PRDM16: variants seen among roughly 807,000 people sequenced by gnomAD.
PRDM16 encodes the protein histone-lysine N-methyltransferase PRDM16.
In PRDM16, 23 loss-of-function variants were observed where a neutral mutation model predicts 110.6. The ratio of observed to expected loss-of-function variants is 0.21; its 90% CI spans 0.15 to 0.29. PRDM16 has a LOEUF of 0.29. Ranked by LOEUF, PRDM16 falls within the 10% of genes least tolerant of loss-of-function variation. The pLI is 1.00. For synonymous variants in PRDM16, 799 were observed against 781.8 expected, an observed-to-expected ratio of 1.02 and a Z score of -0.37; for missense variants, 1,615 against 1,794.3, an observed-to-expected ratio of 0.90 and a Z score of 1.81.
At position 3,425,566 on chromosome 1, in the gene PRDM16, G is replaced by A. The variant is rs538723120; in HGVS notation, c.2940-15G>A. On this transcript the variant is annotated splice_polypyrimidine_tract_variant and intron_variant, in intron 12 of 16. Transcript: ENST00000270722. This position sits in a 1 kb window ranked among gnomAD's most constrained non-coding sequence, Gnocchi z 6.9. ...AGCCGGGGCCTGCACTGAGGAGCGC[G>A]TGTGCCCCTTCCAGGTGTAAGTACT... The A allele has an allele frequency of 9.0e-5, 145 of 1,612,932 alleles. No individual in the cohort carries two copies. The South Asian group carries it at 1.3e-3, about 14-fold the overall frequency.
Position 3,350,272 on chromosome 1 carries a change from G to T in PRDM16, c.439-34880G>T, listed in dbSNP as rs561636541. ...GCTCAGGAGGTCCGGGCTACAGAGA[G>T]CTGTGATCACACCACTATACTCCAG... On this transcript the variant is annotated intron_variant, in intron 3 of 16. Transcript: ENST00000270722. The surrounding 1 kb of genome is among the most constrained non-coding windows in gnomAD (Gnocchi z 7.1). 6.6e-6 allele frequency among the ~76,000 whole-genome samples: 1 copy of T among 152,222 alleles called. No individual in the cohort carries two copies. Among genetic ancestry groups the T allele is most frequent in the African/African-American group, 2.4e-5 (1 of 41,466 alleles).
chr1:3,240,056 AAGAGGAGAGGAGAGGAGAGG>A lies in PRDM16; in HGVS notation c.388-3998_388-3979del, dbSNP rs70938079. On this transcript the variant is annotated intron_variant, in intron 2 of 16. Transcript: ENST00000270722. ...AGAGGAGAAGAGGAGAGGAGAGGAG[AAGAGGAGAGGAGAGGAGAGG>A]AGAGGAGAGGAGAGGAGAGGAGAGG... 7.0e-4 allele frequency among the ~76,000 whole-genome samples: 72 copies of A among 103,406 alleles called. 2 individuals are homozygous for A. Among genetic ancestry groups the A allele is most frequent in the African/African-American group, 1.6e-3 (39 of 24,426 alleles). 67.8% of individuals were successfully genotyped at this position (103,406 alleles called of 152,430 possible).
At chr1:3,334,760 G>A (rs2483277) in intron 3 of PRDM16, among the ~76,000 whole-genome samples, 9 of 152,032 alleles carry the variant, frequency 5.9e-5, no homozygotes, top group Admixed American at 4.6e-4. Context: ...AATCATCATC[G>A]CCAAGTGCTC....
intron 1 of PRDM16, among the ~76,000 whole-genome samples, chr1:3,099,813 C>T (rs1383798265): frequency 6.6e-6 from 1 of 152,226 alleles, no homozygotes; most frequent in Non-Finnish European, 1.5e-5. Flanking sequence ...GGAGGAAATG[C>T]AGGTGCTGAA....
chr1:3,214,315 T>C (rs1638970019), intron 2 of PRDM16, among the ~76,000 whole-genome samples: 1 of 152,150 alleles, frequency 6.6e-6, no homozygotes, highest in Admixed American at 6.5e-5. Context: ...CTTTCTCAGT[T>C]CAAATGCTGC....
chr1:3,157,501 G>A lies in PRDM16; in HGVS notation c.38-28624G>A, dbSNP rs1399994190. On this transcript the variant is annotated intron_variant, in intron 1 of 16. Transcript: ENST00000270722. This position sits in a 1 kb window ranked among gnomAD's most constrained non-coding sequence, Gnocchi z 4.8. ...TGAAAACAGACATGGGCCAGATCCAGTTGTTTGGTAGGATAAGGTCTTTAT... is the reference window on the plus strand; with the variant it reads ...TGAAAACAGACATGGGCCAGATCCAATTGTTTGGTAGGATAAGGTCTTTAT... Among the ~76,000 whole-genome samples the A allele has an allele frequency of 6.6e-6, 1 of 151,024 alleles. No homozygotes were observed. Among genetic ancestry groups the A allele is most frequent in the Non-Finnish European group, 1.5e-5 (1 of 67,914 alleles).
At position 3,246,244 on chromosome 1, in the gene PRDM16, G is replaced by A. The variant is rs72632112; in HGVS notation, c.438+2107G>A. Among the ~76,000 whole-genome samples, 3,762 of 152,218 alleles carry A rather than the reference G, an allele frequency of 0.025. 59 individuals carry two copies. The highest frequency in any genetic ancestry group is 0.048 in the Middle Eastern group (14 of 294). ...GTGGCCCAAGGTCATTCTTGAGAGC[G>A]GCTCCCGGGGTGGGCATGAGATGCT... On this transcript the variant is annotated intron_variant, in intron 3 of 16. Transcript: ENST00000270722. This position sits in a 1 kb window ranked among gnomAD's most constrained non-coding sequence, Gnocchi z 5.2.
chr1:3,282,464 G>A (rs1640729734), intron 3 of PRDM16, among the ~76,000 whole-genome samples: 1 of 152,192 alleles, frequency 6.6e-6, no homozygotes, highest in Non-Finnish European at 1.5e-5. Context: ...AGGGCCCCCT[G>A]GTTTGGAAAG....
chr1:3,261,482 C>T (rs1330973142), intron 3 of PRDM16, among the ~76,000 whole-genome samples: 5 of 152,076 alleles, frequency 3.3e-5, no homozygotes, highest in African/African-American at 7.2e-5. Context: ...GAGCTGGAGA[C>T]GGGGTGAGAA....
chr1:3,402,466 C>G (rs1346360550), intron 5 of PRDM16, among the ~76,000 whole-genome samples: 1 of 152,266 alleles, frequency 6.6e-6, no homozygotes, highest in East Asian at 1.9e-4. Context: ...GCTTCCTCCT[C>G]CACTCCCGAG....
At chr1:3,098,517 CCA>C (rs1275511841) in intron 1 of PRDM16, among the ~76,000 whole-genome samples, 12 of 152,174 alleles carry the variant, frequency 7.9e-5, no homozygotes, top group Non-Finnish European at 1.8e-4. Context: ...ATCCCTGCAG[CCA>C]GAGAGGTTCC....
At chr1:3,253,504 C>G (rs1639985808) in intron 3 of PRDM16, among the ~76,000 whole-genome samples, 1 of 151,604 alleles carries the variant, frequency 6.6e-6, no homozygotes, top group Non-Finnish European at 1.5e-5. Context: ...TGATGATTTC[C>G]AATTTCATCC....
chr1:3,315,760 C>T lies in PRDM16; in HGVS notation c.439-69392C>T, dbSNP rs898737803. Among the ~76,000 whole-genome samples, 6 of 152,146 alleles carry T rather than the reference C, an allele frequency of 3.9e-5. 1 individual carries two copies. In the South Asian group the frequency reaches 6.2e-4, roughly 16 times the overall value. ...GAGCTCCAATTTAGAGCATCCCCGG[C>T]GACTTCATTTCTAATCATGTTTTTA... On this transcript the variant is annotated intron_variant, in intron 3 of 16. Transcript: ENST00000270722.
At chr1:3,200,250 G>T (rs932046291) in intron 2 of PRDM16, among the ~76,000 whole-genome samples, 1 of 152,232 alleles carries the variant, frequency 6.6e-6, no homozygotes, top group Admixed American at 6.5e-5. Context: ...GGCTGCCCTG[G>T]ATGGGGGCTG....
At chr1:3,159,343 T>C (rs1643881568) in intron 1 of PRDM16, among the ~76,000 whole-genome samples, 1 of 152,218 alleles carries the variant, frequency 6.6e-6, no homozygotes, top group Admixed American at 6.5e-5. Flanking sequence ...CAACAGGAAC[T>C]TACCTCCACC....
intron 1 of PRDM16, among the ~76,000 whole-genome samples, chr1:3,150,776 C>T (rs368904412): frequency 2.0e-5 from 3 of 149,694 alleles, no homozygotes; most frequent in Admixed American, 6.7e-5. Flanking sequence ...CCGTTGGGGA[C>T]GTTTGAGCTT....
intron 3 of PRDM16, among the ~76,000 whole-genome samples, chr1:3,301,610 T>C (rs1641210302): frequency 1.3e-5 from 2 of 152,204 alleles, no homozygotes; most frequent in Non-Finnish European, 1.5e-5. Flanking sequence ...AAGACCCAAC[T>C]ACAGACTGTG....
intron 1 of PRDM16, among the ~76,000 whole-genome samples, chr1:3,140,883 G>A (rs753525284): frequency 2.1e-4 from 32 of 152,234 alleles, no homozygotes; most frequent in African/African-American, 6.8e-4. Context: ...AAGAAAAGCC[G>A]GAGCTGGCGT....
At chr1:3,195,883 G>A (rs144430721) in intron 2 of PRDM16, among the ~76,000 whole-genome samples, 135 of 152,368 alleles carry the variant, frequency 8.9e-4, no homozygotes, top group African/African-American at 3.2e-3. Context: ...ACAGAGGCAT[G>A]TGGCCTCTGT....
Sources: allele counts gnomAD v4.1 joint callset (sites outside exome capture counted in the v4.1 genomes callset), GRCh38; gene constraint gnomAD v4.1.1; non-coding constraint Gnocchi (gnomAD v3.1); transcripts MANE v1.5; gene names NCBI Gene and HGNC (gene_info 2026-07-23, HGNC 2026-07-21).